SLC5A5: variants seen among roughly 807,000 people sequenced by gnomAD.
The protein encoded by SLC5A5 is solute carrier family 5 member 5, also known as sodium/iodide cotransporter.
SLC5A5 carries 56 observed loss-of-function variants against 68.6 expected under a neutral mutation model. That is an observed-to-expected ratio of 0.82 (90% CI 0.66 to 1.02). The LOEUF (loss-of-function observed/expected upper bound fraction) is 1.02, where lower values mean the gene tolerates loss of function less well. Ranked by LOEUF, SLC5A5 falls within the 50% of genes least tolerant of loss-of-function variation. The pLI is 0.00. For missense variants in SLC5A5, 807 were observed against 859.8 expected (o/e 0.94, Z 0.77); for synonymous variants, 398 against 373.0 (o/e 1.07, Z -0.77).
chr19:17,877,779 C>A lies in SLC5A5; in HGVS notation c.755C>A (p.Thr252Lys). 1 of 1,614,200 alleles carries A rather than the reference C, an allele frequency of 6.2e-7. No individual in the cohort carries two copies. The highest frequency in any genetic ancestry group is 8.5e-7 in the Non-Finnish European group (1 of 1,180,034). ...YTFWTFVVGG[T>K]LVWLSMYGVN... ...TTCTGGACTTTTGTGGTGGGTGGCA[C>A]GTTGGTGTGGCTCTCCATGTATGGC... Residue 252 changes from threonine to lysine, a missense_variant, in exon 6 of 15, where the codon ACG becomes AAG. Thr to Lys is a moderately conservative substitution (Grantham distance 78). Transcript: ENST00000222248.
At chr19:17,873,174 A>G (rs1489432795) in intron 1 of SLC5A5, among the ~76,000 whole-genome samples, 2 of 152,168 alleles carry the variant, frequency 1.3e-5, no homozygotes, top group Non-Finnish European at 2.9e-5. Flanking sequence ...TAAAATCGTG[A>G]CCGGGGCCCG....
intron 10 of SLC5A5, 133 bp from the exon 11 acceptor site, chr19:17,883,548 G>A (rs2094325870): frequency 1.2e-6 from 1 of 805,182 alleles, no homozygotes; most frequent in Non-Finnish European, 2.2e-6. Context: ...TCCCCTTTAG[G>A]GAAACTGAGA....
Position 17,894,297 on chromosome 19 carries a change from A to G in SLC5A5, c.*420A>G, listed in dbSNP as rs2030326731. On this transcript the variant is annotated 3_prime_UTR_variant, in exon 15 of 15. Transcript: ENST00000222248. ...TGAGTAGCTGGGATTGTAGGTGCCC[A>G]CCACCATGCCCAGCCAACTTTTTGT... The G allele has an allele frequency of 5.3e-6, 1 of 190,042 alleles. No individual in the cohort carries two copies. The highest frequency in any genetic ancestry group is 1.1e-5 in the Non-Finnish European group (1 of 90,470). 11.8% of individuals were successfully genotyped at this position (190,042 alleles called of 1,614,324 possible).
At chr19:17,881,895 A>C (rs1220131674) in intron 8 of SLC5A5, 65 bp from the exon 9 acceptor site, 11 of 1,279,094 alleles carry the variant, frequency 8.6e-6, no homozygotes, top group Non-Finnish European at 1.2e-5. Flanking sequence ...GAGGTCTGGC[A>C]GGCCAGATGG....
intron 12 of SLC5A5, 79 bp downstream of exon 12, chr19:17,884,125 CTG>C: frequency 8.0e-7 from 1 of 1,252,828 alleles, no homozygotes; most frequent in South Asian, 1.3e-5. Flanking sequence ...GCCCTGCACT[CTG>C]TGTAAGAAGC....
rs1215359686 is a variant in SLC5A5, at chr19:17,874,532, C to T, written c.462C>T (p.Leu154=). The T allele has an allele frequency of 6.2e-7, 1 of 1,613,922 alleles. No individual in the cohort carries two copies. Among genetic ancestry groups the T allele is most frequent in the Non-Finnish European group, 8.5e-7 (1 of 1,179,994 alleles). Residue 154 remains leucine, a synonymous_variant, in exon 3 of 15, where the codon CTC becomes CTT. Transcript: ENST00000222248. Reference sequence around the variant, plus strand: ...GCATCGTAATCTACGCACCGGCCCTCATCCTGAACCAAGGTGTGACTCTGG... The same window carrying T: ...GCATCGTAATCTACGCACCGGCCCTTATCCTGAACCAAGGTGTGACTCTGG... ...YTGIVIYAPA[L]ILNQVTGLDI...
intron 10 of SLC5A5, 117 bp from the exon 11 acceptor site, chr19:17,883,564 A>T (rs1406924383): frequency 4.8e-6 from 4 of 841,556 alleles, no homozygotes; most frequent in East Asian, 4.8e-5. Context: ...TGAGACACAG[A>T]GGAGTCCTTG....
rs2094319321 is a variant in SLC5A5 at position 17,880,904 on chromosome 19, C to T, written c.1009C>T (p.Pro337Ser). The T allele has an allele frequency of 1.2e-6, 2 of 1,614,036 alleles. No individual in the cohort carries two copies. Among genetic ancestry groups the T allele is most frequent in the Non-Finnish European group, 8.5e-7 (1 of 1,179,994 alleles). The stretch of plus-strand genomic sequence containing the variant: ...GGTGCTGGACATCTTCGAAGATCTG[C>T]CTGGAGTCCCCGGGCTTTTCCTGGC... ...LLVLDIFEDL[P>S]GVPGLFLACA... Residue 337 changes from proline to serine, a missense_variant, in exon 8 of 15, where the codon CCT becomes TCT. Pro to Ser is a moderately conservative substitution (Grantham distance 74, BLOSUM62 -1). Transcript: ENST00000222248.
Position 17,874,607 on chromosome 19 carries a change from C to T in SLC5A5, c.476-57C>T. ...AGAGAAAGGGAGGGAGAGGAGAACC[C>T]AAGACTAAGTTTGCGCCCCGCCCAG... On this transcript the variant is annotated intron_variant, in intron 3 of 14. Transcript: ENST00000222248. 4 of 1,612,862 alleles carry T rather than the reference C, an allele frequency of 2.5e-6. No homozygotes were observed. The Admixed American group carries it at 6.7e-5, about 27-fold the overall frequency.
chr19:17,874,976 G>A (rs1473636856), intron 4 of SLC5A5, among the ~76,000 whole-genome samples: 1 of 152,190 alleles, frequency 6.6e-6, no homozygotes, highest in Admixed American at 6.5e-5. Flanking sequence ...CAGGAAGTGA[G>A]CTCCTGCTTC....
At position 17,878,019 on chromosome 19, in the gene SLC5A5, T is replaced by G. The variant is rs1160773923; in HGVS notation, c.895T>G (p.Cys299Gly). Reference sequence around the variant, plus strand: ...CCTGATCGTGTCCAGCGCTGCCTGCTGTGGCATCGTCATGTTTGTGTTCTA... The same window carrying G: ...CCTGATCGTGTCCAGCGCTGCCTGCGGTGGCATCGTCATGTTTGTGTTCTA... ...LFLIVSSAACCGIVMFVFYTD... is the reference protein window; with the variant it reads ...LFLIVSSAACGGIVMFVFYTD... The change falls in exon 7 of 15, where the codon TGT becomes GGT. Residue 299 changes from cysteine (C) to glycine (G), a missense_variant. Cys to Gly is a radical substitution (Grantham distance 159). Transcript: ENST00000222248. 6.2e-7 allele frequency: 1 copy of G among 1,613,290 alleles called. No individual in the cohort carries two copies. The highest frequency in any genetic ancestry group is 2.2e-5 in the East Asian group (1 of 44,890).
chr19:17,872,789 C>T, intron 1 of SLC5A5, 113 bp downstream of exon 1: 2 of 736,820 alleles, frequency 2.7e-6, no homozygotes, highest in Non-Finnish European at 4.7e-6. Flanking sequence ...GATGGCACCT[C>T]GGTGCTTTAA....
intron 8 of SLC5A5, 48 bp from the exon 9 acceptor site, chr19:17,881,911 AC>A: frequency 7.1e-7 from 1 of 1,412,198 alleles, no homozygotes; most frequent in East Asian, 2.3e-5. Context: ...GATGGTGTGG[AC>A]GGTCTCTCCA....
Position 17,872,628 on chromosome 19 carries a change from G to C in SLC5A5, c.309G>C (p.Leu103=), listed in dbSNP as rs2094297127. ...TTCTGAACTCGGTCCTCACCGCCCTGCTCTTCATGCCCGTCTTCTACCGCC... is the reference window on the plus strand; with the variant it reads ...TTCTGAACTCGGTCCTCACCGCCCTCCTCTTCATGCCCGTCTTCTACCGCC... ...GQLLNSVLTA[L]LFMPVFYRLG... The change falls in exon 1 of 15, where the codon CTG becomes CTC. Residue 103 remains leucine, a synonymous_variant. Transcript: ENST00000222248. The C allele has an allele frequency of 1.2e-6, 2 of 1,611,118 alleles. No homozygotes were observed. Among genetic ancestry groups the C allele is most frequent in the Non-Finnish European group, 1.7e-6 (2 of 1,179,560 alleles).
Position 17,891,098 on chromosome 19 carries a change from C to G in SLC5A5, c.1767+97C>G, listed in dbSNP as rs2030151575. On this transcript the variant is annotated intron_variant, in intron 14 of 14. Transcript: ENST00000222248. ...AGGGACATGGTATATCAGCACCTTTCTCCATCGCTCATTATCTCCAGTCAA... is the reference window on the plus strand; with the variant it reads ...AGGGACATGGTATATCAGCACCTTTGTCCATCGCTCATTATCTCCAGTCAA... The G allele has an allele frequency of 1.3e-5, 10 of 791,724 alleles. No individual in the cohort carries two copies. The Admixed American group carries it at 1.8e-4, about 14-fold the overall frequency. The allele number at this position is 791,724 out of a possible 1,614,324, so 49.0% of individuals were successfully genotyped here.
chr19:17,884,322 G>A (rs7245484), intron 12 of SLC5A5, among the ~76,000 whole-genome samples: 5,337 of 152,126 alleles, frequency 0.035, 338 homozygotes, highest in African/African-American at 0.12. Flanking sequence ...TTCTGAGACA[G>A]AGCCTCGCTC....
intron 13 of SLC5A5, among the ~76,000 whole-genome samples, chr19:17,889,851 G>C (rs2030097130): frequency 6.6e-6 from 1 of 152,172 alleles, no homozygotes; most frequent in Non-Finnish European, 1.5e-5. Context: ...GCACTTGTTA[G>C]GGAATTCTAA....
At chr19:17,880,593 G>T (rs2094318401) in intron 7 of SLC5A5, among the ~76,000 whole-genome samples, 1 of 152,192 alleles carries the variant, frequency 6.6e-6, no homozygotes, top group Admixed American at 6.6e-5. Context: ...GCTACTGGGG[G>T]ACTGAAGCAG....
At chr19:17,890,162 C>G (rs2030109396) in intron 13 of SLC5A5, among the ~76,000 whole-genome samples, 1 of 151,940 alleles carries the variant, frequency 6.6e-6, no homozygotes, top group Non-Finnish European at 1.5e-5. Context: ...CCTCTGACTC[C>G]CGGGTTCAAG....
Sources: allele counts gnomAD v4.1 joint callset (sites outside exome capture counted in the v4.1 genomes callset), GRCh38; gene constraint gnomAD v4.1.1; transcripts MANE v1.5; gene names NCBI Gene and HGNC (gene_info 2026-07-23, HGNC 2026-07-21).